SAMMSON: variants seen among roughly 807,000 people sequenced by gnomAD.
SAMMSON encodes the protein survival associated mitochondrial melanoma specific oncogenic non-coding RNA.
intron 7 of SAMMSON, among the ~76,000 whole-genome samples, chr3:70,306,506 T>C (rs1043957085): frequency 3.3e-5 from 5 of 151,940 alleles, no homozygotes; most frequent in Admixed American, 6.5e-5. Context: ...AGAACTCTCA[T>C]CTTTCACACT....
At chr3:70,309,033 CT>C (rs965199450) in intron 7 of SAMMSON, among the ~76,000 whole-genome samples, 1 of 152,110 alleles carries the variant, frequency 6.6e-6, no homozygotes, top group Non-Finnish European at 1.5e-5. Context: ...GAGAAAAACA[CT>C]TTTTTGAACA....
intron 4 of SAMMSON, among the ~76,000 whole-genome samples, chr3:70,158,322 TAG>T (rs1236911156): frequency 6.6e-6 from 1 of 152,132 alleles, no homozygotes; most frequent in Non-Finnish European, 1.5e-5. Context: ...TATTTTGTGT[TAG>T]ACTTCTTTCA....
At chr3:70,206,787 G>A (rs1049426213) in intron 4 of SAMMSON, 2 of 397,314 alleles carry the variant, frequency 5.0e-6, no homozygotes, top group Admixed American at 4.4e-5. Flanking sequence ...CGTGAGTTGC[G>A]TATCTAGAGG....
At chr3:70,375,522 G>A (rs1413487601) in intron 9 of SAMMSON, among the ~76,000 whole-genome samples, 1 of 151,890 alleles carries the variant, frequency 6.6e-6, no homozygotes, top group Admixed American at 6.6e-5. Flanking sequence ...TGGTGTGGGA[G>A]TTGGGAGGGG....
chr3:70,249,698 G>C (rs896884897), intron 6 of SAMMSON: 1 of 152,068 alleles, frequency 6.6e-6, no homozygotes, highest in Non-Finnish European at 1.5e-5. Flanking sequence ...TTTATTTCCC[G>C]CCTTCCCCTT....
intron 3 of SAMMSON, among the ~76,000 whole-genome samples, chr3:70,026,413 C>A (rs539046001): frequency 6.6e-6 from 1 of 152,092 alleles, no homozygotes. Context: ...TCACTTGTCT[C>A]TCTTTCTTCC....
At chr3:70,299,320 CG>C (rs1702322534) in intron 7 of SAMMSON, among the ~76,000 whole-genome samples, 1 of 143,820 alleles carries the variant, frequency 7.0e-6, no homozygotes, top group East Asian at 2.0e-4. Flanking sequence ...TAAATTTGTG[CG>C]TTATTTGTAT....
At chr3:70,276,366 G>A (rs1702026094) in intron 6 of SAMMSON, among the ~76,000 whole-genome samples, 1 of 151,976 alleles carries the variant, frequency 6.6e-6, no homozygotes, top group Non-Finnish European at 1.5e-5. Flanking sequence ...CTTACTTCTG[G>A]AAATGTATGT....
rs187634024 is a variant in SAMMSON, at chr3:70,190,677, T to A, written n.508-58430T>A. Among the ~76,000 whole-genome samples the A allele has an allele frequency of 8.5e-4, 130 of 152,350 alleles. 3 individuals are homozygous for A. The East Asian group carries it at 0.016, about 19-fold the overall frequency. On this transcript the variant is annotated intron_variant and non_coding_transcript_variant, in intron 4 of 9. Transcript: ENST00000642114. ...AACATTGCTAATATAGTATTATAAA[T>A]GCGTAACAAGGAATTTGTGTATATT...
At chr3:70,104,597 C>T (rs2067359620) in intron 4 of SAMMSON, among the ~76,000 whole-genome samples, 1 of 152,120 alleles carries the variant, frequency 6.6e-6, no homozygotes, top group Non-Finnish European at 1.5e-5. Context: ...AGGTGTACCC[C>T]AAACCGTGTC....
At chr3:70,086,462 A>G (rs930374650) in intron 4 of SAMMSON, among the ~76,000 whole-genome samples, 29 of 152,214 alleles carry the variant, frequency 1.9e-4, no homozygotes, top group African/African-American at 5.8e-4. Context: ...TTACTCTGGC[A>G]TGGTTGAGCT....
At chr3:70,015,310 C>CA (rs1255696154) in intron 3 of SAMMSON, 43 of 149,164 alleles carry the variant, frequency 2.9e-4, no homozygotes, top group East Asian at 9.9e-4. Context: ...AACAAACAAA[C>CA]AAAAAAAAAC....
chr3:70,259,236 T>C (rs377610468), intron 6 of SAMMSON, among the ~76,000 whole-genome samples: 2 of 152,234 alleles, frequency 1.3e-5, no homozygotes, highest in African/African-American at 4.8e-5. Context: ...GCTAAAAACC[T>C]ACAAGAAAGA....
At chr3:70,347,710 AACAG>A (rs1174599984) in intron 7 of SAMMSON, among the ~76,000 whole-genome samples, 2 of 152,202 alleles carry the variant, frequency 1.3e-5, no homozygotes, top group South Asian at 2.1e-4. Flanking sequence ...AGTGTGTGGA[AACAG>A]ACAGCAAGCA....
At chr3:70,190,422 T>A (rs1234822570) in intron 4 of SAMMSON, among the ~76,000 whole-genome samples, 1 of 152,228 alleles carries the variant, frequency 6.6e-6, no homozygotes, top group Non-Finnish European at 1.5e-5. Context: ...TGATTTTTCA[T>A]CTGCTCCTTA....
intron 3 of SAMMSON, among the ~76,000 whole-genome samples, chr3:70,023,076 C>G (rs932960762): frequency 6.6e-6 from 1 of 152,110 alleles, no homozygotes; most frequent in Admixed American, 6.6e-5. Flanking sequence ...CACCTCATCT[C>G]ATAATCTCTG....
intron 4 of SAMMSON, among the ~76,000 whole-genome samples, chr3:70,209,564 T>C (rs552132404): frequency 6.6e-6 from 1 of 152,242 alleles, no homozygotes; most frequent in African/African-American, 2.4e-5. Context: ...AACCAAGGCT[T>C]ACAGAGTTTA....
chr3:70,251,301 A>T (rs923125146), intron 6 of SAMMSON, among the ~76,000 whole-genome samples: 11 of 152,218 alleles, frequency 7.2e-5, no homozygotes, highest in Admixed American at 5.2e-4. Context: ...TCCAGAAAGT[A>T]AAGTGATTTA....
intron 9 of SAMMSON, among the ~76,000 whole-genome samples, chr3:70,372,471 T>G (rs565711788): frequency 1.3e-5 from 2 of 152,096 alleles, no homozygotes; most frequent in African/African-American, 4.8e-5. Flanking sequence ...GGCTCATTTT[T>G]GTATTATTAG....
Sources: gnomAD v4.1 joint callset for allele counts (sites outside exome capture counted in the v4.1 genomes callset) on GRCh38, gnomAD v4.1.1 for gene constraint, MANE v1.5 for transcripts, NCBI Gene and HGNC (gene_info 2026-07-23, HGNC 2026-07-21) for gene names.